Variants in CARMIL1 observed in about 807,000 individuals in gnomAD.
The protein encoded by CARMIL1 is F-actin-uncapping protein LRRC16A.
CARMIL1 carries 90 observed loss-of-function variants against 177.1 expected under a neutral mutation model. That is an observed-to-expected ratio of 0.51 (90% CI 0.43 to 0.61). CARMIL1 has a LOEUF of 0.61. CARMIL1 is among the 20% of genes least tolerant of loss of function. The pLI is 0.00. For synonymous variants in CARMIL1, 577 were observed against 606.2 expected, an observed-to-expected ratio of 0.95 and a Z score of 0.71; for missense variants, 1,380 against 1,667.0, an observed-to-expected ratio of 0.83 and a Z score of 3.00.
intron 20 of CARMIL1, among the ~76,000 whole-genome samples, chr6:25,512,445 G>GT (rs929841723): frequency 7.8e-4 from 118 of 151,880 alleles, no homozygotes; most frequent in African/African-American, 2.1e-3. Flanking sequence ...CAATTCTTCT[G>GT]TTTTTTTTCT....
chr6:25,454,836 A>T (rs1407313615), intron 8 of CARMIL1, among the ~76,000 whole-genome samples: 1 of 152,212 alleles, frequency 6.6e-6, no homozygotes, highest in Non-Finnish European at 1.5e-5. Flanking sequence ...ATCAGTCTGC[A>T]CTTAAATGGT....
At position 25,330,177 on chromosome 6, in the gene CARMIL1, C is replaced by T. The variant is rs538843435; in HGVS notation, c.138+45268C>T. Among the ~76,000 whole-genome samples the T allele has an allele frequency of 5.9e-5, 9 of 152,288 alleles. No homozygotes were observed. In the East Asian group the frequency reaches 1.2e-3, roughly 20 times the overall value. Reference sequence around the variant, plus strand: ...ACAGAACATGCAGACTTGAACAGTACGGTGTGGTAAGAGGTGTGCCCATGG... The same window carrying T: ...ACAGAACATGCAGACTTGAACAGTATGGTGTGGTAAGAGGTGTGCCCATGG... On this transcript the variant is annotated intron_variant, in intron 2 of 36. Transcript: ENST00000329474.
chr6:25,365,327 C>T (rs1478473715), intron 2 of CARMIL1, among the ~76,000 whole-genome samples: 1 of 152,160 alleles, frequency 6.6e-6, no homozygotes, highest in Non-Finnish European at 1.5e-5. Flanking sequence ...GCTTGCAGCC[C>T]ATCTGAGTGC....
At chr6:25,442,903 T>C (rs536187854) in intron 5 of CARMIL1, among the ~76,000 whole-genome samples, 3 of 152,208 alleles carry the variant, frequency 2.0e-5, no homozygotes, top group Non-Finnish European at 4.4e-5. Flanking sequence ...CGAGTAAAAC[T>C]GAGGCTCTGG....
intron 2 of CARMIL1, among the ~76,000 whole-genome samples, chr6:25,372,402 G>A (rs1238791878): frequency 2.6e-5 from 4 of 151,138 alleles, no homozygotes; most frequent in Non-Finnish European, 4.5e-5. Flanking sequence ...CCATTTGTTT[G>A]TATTATCTTT....
intron 2 of CARMIL1, 50 bp from the exon 3 acceptor site, chr6:25,420,064 T>A (rs952137704): frequency 2.1e-6 from 3 of 1,461,476 alleles, no homozygotes; most frequent in Non-Finnish European, 2.9e-6. Context: ...CAAAGCCCAC[T>A]GGCCCCACTT....
At chr6:25,432,034 T>C (rs2150749544) in intron 4 of CARMIL1, among the ~76,000 whole-genome samples, 1 of 152,306 alleles carries the variant, frequency 6.6e-6, no homozygotes, top group East Asian at 1.9e-4. Flanking sequence ...CTTTCAGCAG[T>C]ACCCTTCTCT....
At chr6:25,552,060 T>C (rs547921486) in intron 27 of CARMIL1, among the ~76,000 whole-genome samples, 63 of 152,276 alleles carry the variant, frequency 4.1e-4, no homozygotes, top group African/African-American at 1.5e-3. Context: ...TTTGTTTGTT[T>C]GTTTTGTTTT....
intron 25 of CARMIL1, among the ~76,000 whole-genome samples, chr6:25,539,458 G>A (rs1184141272): frequency 6.6e-6 from 1 of 151,664 alleles, no homozygotes; most frequent in Non-Finnish European, 1.5e-5. Flanking sequence ...CCCAGATGAA[G>A]ACATTAAGAC....
Position 25,366,451 on chromosome 6 carries a change from C to G in CARMIL1, c.139-53663C>G, listed in dbSNP as rs1188590583. Among the ~76,000 whole-genome samples the G allele has an allele frequency of 2.6e-5, 4 of 151,778 alleles. No individual in the cohort carries two copies. The South Asian group carries it at 6.3e-4, about 24-fold the overall frequency. ...GACATTTAAAATTGTAACACCTCAC[C>G]CTCACCCCATTCTGCTTTACTTTTC... On this transcript the variant is annotated intron_variant, in intron 2 of 36. Transcript: ENST00000329474.
intron 2 of CARMIL1, among the ~76,000 whole-genome samples, chr6:25,350,166 G>A (rs1787976076): frequency 3.3e-5 from 5 of 152,100 alleles, no homozygotes. Context: ...TGGCTTCTTT[G>A]GGCAGCAAAG....
intron 17 of CARMIL1, among the ~76,000 whole-genome samples, chr6:25,507,200 T>C (rs1007953996): frequency 6.6e-6 from 1 of 152,176 alleles, no homozygotes; most frequent in Non-Finnish European, 1.5e-5. Flanking sequence ...AGGATTTTCA[T>C]TTACAGTAAT....
At position 25,620,415 on chromosome 6, in the gene CARMIL1, A is replaced by C. The variant is rs115447674; in HGVS notation, c.*832A>C. The C allele has an allele frequency of 4.9e-4, 75 of 152,366 alleles. No individual in the cohort carries two copies. Among genetic ancestry groups the C allele is most frequent in the Middle Eastern group, 3.4e-3 (1 of 294 alleles). 9.4% of individuals were successfully genotyped at this position (152,366 alleles called of 1,614,324 possible). On this transcript the variant is annotated 3_prime_UTR_variant, in exon 37 of 37. Coordinates refer to ENST00000329474, the MANE Select transcript of CARMIL1 (RefSeq NM_017640.6). ...TAAGAGAGAATACTTTGACACCTGT[A>C]AAAATCAAAATACTACTCTTTATAA...
At chr6:25,305,040 A>C (rs1266196739) in intron 2 of CARMIL1, among the ~76,000 whole-genome samples, 1 of 152,198 alleles carries the variant, frequency 6.6e-6, no homozygotes, top group Non-Finnish European at 1.5e-5. Flanking sequence ...GCTTTTCTGA[A>C]CATGTTTAGC....
intron 21 of CARMIL1, among the ~76,000 whole-genome samples, chr6:25,516,701 G>A (rs1170626685): frequency 6.6e-6 from 1 of 152,184 alleles, no homozygotes; most frequent in Non-Finnish European, 1.5e-5. Flanking sequence ...AAATACCCCT[G>A]AAGTATACAC....
intron 23 of CARMIL1, among the ~76,000 whole-genome samples, chr6:25,525,289 T>C (rs1241312731): frequency 6.6e-6 from 1 of 152,208 alleles, no homozygotes; most frequent in Admixed American, 6.5e-5. Context: ...TCACTCTTTT[T>C]GTCAGAAACC....
In CARMIL1 at chr6:25,500,251, G is replaced by T; in HGVS notation, c.1395+16G>T. On this transcript the variant is annotated intron_variant, in intron 17 of 36. Transcript: ENST00000329474. Reference sequence around the variant, plus strand: ...CAACTGTGAGGTAAGAACACCCTTAGATTGTATACTGGAATAGATAATAGC... The same window carrying T: ...CAACTGTGAGGTAAGAACACCCTTATATTGTATACTGGAATAGATAATAGC... 1 of 1,608,464 alleles carries T rather than the reference G, an allele frequency of 6.2e-7. No individual in the cohort carries two copies. The highest frequency in any genetic ancestry group is 8.5e-7 in the Non-Finnish European group (1 of 1,175,044).
intron 8 of CARMIL1, 22 bp from the exon 9 acceptor site, chr6:25,465,851 A>T: frequency 6.6e-7 from 1 of 1,509,882 alleles, no homozygotes; most frequent in Non-Finnish European, 9.2e-7. Flanking sequence ...ACTTTCATGT[A>T]CTTTGTTGTT....
intron 2 of CARMIL1, among the ~76,000 whole-genome samples, chr6:25,386,833 C>G (rs1792208776): frequency 6.6e-6 from 1 of 151,794 alleles, no homozygotes; most frequent in Non-Finnish European, 1.5e-5. Flanking sequence ...CTAGATAATA[C>G]AAGACATCAT....
Sources: allele counts gnomAD v4.1 joint callset (sites outside exome capture counted in the v4.1 genomes callset), GRCh38; gene constraint gnomAD v4.1.1; transcripts MANE v1.5; gene names NCBI Gene and HGNC (gene_info 2026-07-23, HGNC 2026-07-21).